YEATS4: variants seen among roughly 807,000 people sequenced by gnomAD.
YEATS4 encodes the protein YEATS domain-containing protein 4.
YEATS4 carries 17 observed loss-of-function variants against 30.1 expected under a neutral mutation model. That is an observed-to-expected ratio of 0.56 (90% confidence interval 0.39 to 0.85). The LOEUF (loss-of-function observed/expected upper bound fraction) is 0.85. YEATS4 is among the 40% of genes least tolerant of loss of function. YEATS4 has a pLI of 0.00. For missense variants in YEATS4, 142 were observed against 268.3 expected, an observed-to-expected ratio of 0.53 and a Z score of 3.29; for synonymous variants, 85 against 87.5, an observed-to-expected ratio of 0.97 and a Z score of 0.16.
intron 2 of YEATS4, among the ~76,000 whole-genome samples, chr12:69,364,929 T>C (rs1355289320): frequency 6.6e-6 from 1 of 152,128 alleles, no homozygotes; most frequent in Non-Finnish European, 1.5e-5. Context: ...GTATGTGATA[T>C]AATTTTGTTC....
chr12:69,375,058 C>A (rs1488498277), intron 6 of YEATS4, among the ~76,000 whole-genome samples: 1 of 151,082 alleles, frequency 6.6e-6, no homozygotes, highest in Non-Finnish European at 1.5e-5. Flanking sequence ...TGCCCCCCAC[C>A]TCCCGGAGGG....
chr12:69,370,626 C>A, intron 4 of YEATS4, 80 bp from the exon 5 acceptor site: 1 of 1,156,460 alleles, frequency 8.6e-7, no homozygotes, highest in South Asian at 1.8e-5. Flanking sequence ...ATTCCAGTCT[C>A]TATTTCAGTT....
At chr12:69,362,764 A>G (rs1565674039) in intron 1 of YEATS4, 24 bp from the exon 2 acceptor site, 8 of 1,560,790 alleles carry the variant, frequency 5.1e-6, no homozygotes, top group Non-Finnish European at 8.7e-7. Context: ...ATATTCATTT[A>G]TTTTAAAATT....
chr12:69,377,797 G>C (rs763551813), intron 6 of YEATS4, among the ~76,000 whole-genome samples: 1 of 152,212 alleles, frequency 6.6e-6, no homozygotes, highest in Admixed American at 6.5e-5. Flanking sequence ...ATGAGGTCAG[G>C]AGAAGAATGT....
At chr12:69,420,158 C>T in the YEATS4 span, among the ~76,000 whole-genome samples, 1 of 152,164 alleles carries the variant, frequency 6.6e-6, no homozygotes, top group Non-Finnish European at 1.5e-5. Flanking sequence ...ATGGCCCATT[C>T]CCTCAGCTAC....
downstream of YEATS4, among the ~76,000 whole-genome samples, chr12:69,395,450 G>C (rs1045970133): frequency 6.6e-6 from 1 of 151,286 alleles, no homozygotes; most frequent in Admixed American, 6.6e-5. Context: ...GGGAGGGAAA[G>C]CAGTTTGAAA....
At chr12:69,396,052 C>T in the YEATS4 span, among the ~76,000 whole-genome samples, 1 of 152,186 alleles carries the variant, frequency 6.6e-6, no homozygotes, top group South Asian at 2.1e-4. Context: ...ATCCCCAACT[C>T]TAGGTAGCCC....
chr12:69,376,077 C>A (rs889305868), intron 6 of YEATS4, among the ~76,000 whole-genome samples: 3 of 152,070 alleles, frequency 2.0e-5, no homozygotes, highest in East Asian at 1.9e-4. Flanking sequence ...AATATAATAT[C>A]ATCTACAGGC....
chr12:69,373,996 T>C (rs1348922867), intron 6 of YEATS4, among the ~76,000 whole-genome samples: 2 of 152,232 alleles, frequency 1.3e-5, no homozygotes, highest in Non-Finnish European at 2.9e-5. Flanking sequence ...GTGTCTCTTT[T>C]TCTGCAAGTA....
At chr12:69,394,736 A>G (rs1868338837), downstream of YEATS4, among the ~76,000 whole-genome samples, 1 of 151,900 alleles carries the variant, frequency 6.6e-6, no homozygotes, top group African/African-American at 2.4e-5. Flanking sequence ...AGCTCCTCAA[A>G]CTATAGGCCT....
the YEATS4 span, among the ~76,000 whole-genome samples, chr12:69,417,435 C>G: frequency 6.6e-6 from 1 of 152,048 alleles, no homozygotes; most frequent in Admixed American, 6.6e-5. Flanking sequence ...GCTGGGATTA[C>G]ACATGTGAGC....
chr12:69,365,909 T>C, intron 4 of YEATS4, 25 bp downstream of exon 4: 15 of 1,479,928 alleles, frequency 1.0e-5, no homozygotes, highest in Non-Finnish European at 1.4e-5. Context: ...TCTTTGTAAA[T>C]ATAAAATAGA....
chr12:69,426,513 G>A, the YEATS4 span, among the ~76,000 whole-genome samples: 1 of 152,150 alleles, frequency 6.6e-6, no homozygotes, highest in Non-Finnish European at 1.5e-5. Context: ...TGGGATTACA[G>A]GTGCCTGCCA....
intron 1 of YEATS4, among the ~76,000 whole-genome samples, chr12:69,362,323 T>C (rs1662669638): frequency 6.7e-6 from 1 of 149,226 alleles, no homozygotes; most frequent in South Asian, 2.1e-4. Flanking sequence ...TTTTTAATAC[T>C]GATTAAACAC....
intron 6 of YEATS4, among the ~76,000 whole-genome samples, chr12:69,380,084 T>C (rs1302557317): frequency 6.6e-6 from 1 of 152,266 alleles, no homozygotes; most frequent in Non-Finnish European, 1.5e-5. Flanking sequence ...CTGTTAGAGA[T>C]TGGTCACTGA....
intron 6 of YEATS4, among the ~76,000 whole-genome samples, chr12:69,371,390 A>G (rs149940813): frequency 2.0e-5 from 3 of 152,360 alleles, no homozygotes; most frequent in Non-Finnish European, 2.9e-5. Context: ...GTCATTTTAC[A>G]TAGTTTCAGA....
Position 69,360,073 on chromosome 12 carries a change from C to T in YEATS4, c.51+50C>T, listed in dbSNP as rs201089907. On this transcript the variant is annotated intron_variant, in intron 1 of 6. Coordinates refer to ENST00000247843, the MANE Select transcript of YEATS4 (RefSeq NM_006530.4). ...CCGGGGTGGCTCTCCCGCCTCGGTT[C>T]CTCCCTGCGCGGCGCGGGGAGGGCC... The T allele has an allele frequency of 1.8e-4, 288 of 1,591,074 alleles. 1 individual carries two copies. In the African/African-American group the frequency reaches 2.9e-3, roughly 16 times the overall value.
At chr12:69,420,560 G>C in the YEATS4 span, among the ~76,000 whole-genome samples, 1 of 152,182 alleles carries the variant, frequency 6.6e-6, no homozygotes, top group African/African-American at 2.4e-5. Flanking sequence ...AAATTTGGCA[G>C]CTCTTGACAA....
At chr12:69,397,882 A>C in the YEATS4 span, among the ~76,000 whole-genome samples, 1 of 152,206 alleles carries the variant, frequency 6.6e-6, no homozygotes, top group South Asian at 2.1e-4. Flanking sequence ...TTGTGGGAAA[A>C]TAAATACCAA....
Sources: gnomAD v4.1 joint callset for allele counts (sites outside exome capture counted in the v4.1 genomes callset) on GRCh38, gnomAD v4.1.1 for gene constraint, MANE v1.5 for transcripts, NCBI Gene and HGNC (gene_info 2026-07-23, HGNC 2026-07-21) for gene names.